Variants in NKAIN2 observed in about 807,000 individuals in gnomAD.
NKAIN2 encodes sodium/potassium transporting ATPase interacting 2.
Under a neutral mutation model 32.6 loss-of-function variants are expected in NKAIN2, and 14 were observed. The observed-to-expected ratio is 0.43, with a 90% CI of 0.28 to 0.67. The LOEUF (loss-of-function observed/expected upper bound fraction) is 0.67, where lower values mean the gene tolerates loss of function less well. Among genes scored for constraint, NKAIN2 ranks in the 30% least tolerant of loss-of-function variants. NKAIN2 has a pLI of 0.17. For missense variants in NKAIN2, 198 were observed against 258.3 expected, an observed-to-expected ratio of 0.77 and a Z score of 1.60; for synonymous variants, 80 against 87.2, an observed-to-expected ratio of 0.92 and a Z score of 0.46.
chr6:124,503,217 T>G (rs1778360055), intron 3 of NKAIN2, among the ~76,000 whole-genome samples: 1 of 152,102 alleles, frequency 6.6e-6, no homozygotes, highest in Non-Finnish European at 1.5e-5. Context: ...TATTTGTACA[T>G]TATATTGAAT....
At chr6:124,642,051 C>T (rs1440592326) in intron 3 of NKAIN2, among the ~76,000 whole-genome samples, 2 of 152,048 alleles carry the variant, frequency 1.3e-5, no homozygotes, top group African/African-American at 4.8e-5. Context: ...AACCAGATCC[C>T]AAAGTTACCC....
chr6:124,284,043 A>G (rs934818656), intron 2 of NKAIN2, among the ~76,000 whole-genome samples: 22 of 111,600 alleles, frequency 2.0e-4, no homozygotes, highest in African/African-American at 8.4e-4. Flanking sequence ...ATCATCTAGA[A>G]CCCAGATAAA....
chr6:124,192,623 G>A (rs1220490574), intron 1 of NKAIN2, among the ~76,000 whole-genome samples: 1 of 149,546 alleles, frequency 6.7e-6, no homozygotes, highest in Non-Finnish European at 1.5e-5. Flanking sequence ...CAATAGAGTT[G>A]TTTAGATCTA....
intron 1 of NKAIN2, among the ~76,000 whole-genome samples, chr6:124,222,760 G>T (rs1791899940): frequency 6.6e-6 from 1 of 152,130 alleles, no homozygotes; most frequent in African/African-American, 2.4e-5. Flanking sequence ...TGAAAAATGT[G>T]TTGCATGGCG....
chr6:124,737,277 T>A (rs1043897279), intron 4 of NKAIN2, among the ~76,000 whole-genome samples: 2 of 151,890 alleles, frequency 1.3e-5, no homozygotes, highest in Non-Finnish European at 2.9e-5. Context: ...GCTGCTGTTC[T>A]TGTGATAAGT....
At chr6:123,998,749 G>C (rs1055604921) in intron 1 of NKAIN2, among the ~76,000 whole-genome samples, 1,861 of 143,554 alleles carry the variant, frequency 0.013, 43 homozygotes, top group African/African-American at 0.047. Context: ...CTCTCTGTGT[G>C]TGTGTGTGTG....
intron 1 of NKAIN2, among the ~76,000 whole-genome samples, chr6:124,002,674 C>T (rs1038518504): frequency 1.3e-5 from 2 of 152,086 alleles, no homozygotes; most frequent in African/African-American, 4.8e-5. Context: ...TAACTTGCTC[C>T]ATTCAAAAGA....
chr6:124,706,523 A>G lies in NKAIN2; in HGVS notation c.474+48137A>G, dbSNP rs1272981059. On this transcript the variant is annotated intron_variant, in intron 4 of 6. Coordinates refer to ENST00000368417, the MANE Select transcript of NKAIN2 (RefSeq NM_001040214.3). ...AAAAAAACAAAAAAAAGATTGAATC[A>G]AGTCCAGGCAGAGCTATCAGAAAAT... 2.0e-5 allele frequency among the ~76,000 whole-genome samples: 3 copies of G among 152,132 alleles called. No individual in the cohort carries two copies. The East Asian group carries it at 5.8e-4, about 29-fold the overall frequency.
chr6:124,282,499 C>T (rs1457493138), intron 1 of NKAIN2, among the ~76,000 whole-genome samples: 5 of 152,278 alleles, frequency 3.3e-5, no homozygotes, highest in East Asian at 1.9e-4. Flanking sequence ...TAGGCCACTG[C>T]GGCTACTTAG....
chr6:123,845,948 T>C (rs1775070089), intron 1 of NKAIN2, among the ~76,000 whole-genome samples: 1 of 152,176 alleles, frequency 6.6e-6, no homozygotes, highest in African/African-American at 2.4e-5. Flanking sequence ...TTAAATACTC[T>C]ATATTTTTAT....
chr6:123,972,103 G>A (rs1778371804), intron 1 of NKAIN2, among the ~76,000 whole-genome samples: 1 of 152,088 alleles, frequency 6.6e-6, no homozygotes, highest in Admixed American at 6.6e-5. Context: ...TCTTTCTTAT[G>A]CTTCTCTTAA....
At chr6:124,437,709 T>C (rs1775509126) in intron 3 of NKAIN2, among the ~76,000 whole-genome samples, 1 of 152,082 alleles carries the variant, frequency 6.6e-6, no homozygotes, top group South Asian at 2.1e-4. Context: ...TGAGGTTAAG[T>C]GCTATGAGGT....
Position 124,729,319 on chromosome 6 carries a change from G to A in NKAIN2, c.475-62020G>A, listed in dbSNP as rs1776525952. On this transcript the variant is annotated intron_variant, in intron 4 of 6. Coordinates refer to ENST00000368417, the MANE Select transcript of NKAIN2 (RefSeq NM_001040214.3). ...ATGCAAAAATCCTCAATAAAATACT[G>A]GCAAACCGAATCCAGCAGCACATCA... Among the ~76,000 whole-genome samples the A allele has an allele frequency of 2.0e-5, 3 of 149,810 alleles. No individual in the cohort carries two copies. The South Asian group carries it at 6.4e-4, about 32-fold the overall frequency.
chr6:123,881,277 C>T (rs1425160684), intron 1 of NKAIN2, among the ~76,000 whole-genome samples: 1 of 152,156 alleles, frequency 6.6e-6, no homozygotes, highest in African/African-American at 2.4e-5. Context: ...CCACCTCGGC[C>T]TCCCAAAGTG....
chr6:124,237,705 A>T (rs1792850125), intron 1 of NKAIN2, among the ~76,000 whole-genome samples: 1 of 152,164 alleles, frequency 6.6e-6, no homozygotes, highest in South Asian at 2.1e-4. Flanking sequence ...GGAAATAAAA[A>T]TACTAGGAAA....
At chr6:124,066,557 AT>A (rs1293131950) in intron 1 of NKAIN2, among the ~76,000 whole-genome samples, 2 of 152,194 alleles carry the variant, frequency 1.3e-5, no homozygotes, top group Non-Finnish European at 2.9e-5. Flanking sequence ...GCACATTAGA[AT>A]TAGAATTTAG....
chr6:124,405,209 C>A (rs779384606), intron 3 of NKAIN2, among the ~76,000 whole-genome samples: 1 of 152,092 alleles, frequency 6.6e-6, no homozygotes, highest in Non-Finnish European at 1.5e-5. Context: ...TAAGTTTTTG[C>A]AAATATGTTT....
At chr6:124,230,347 G>A (rs553839602) in intron 1 of NKAIN2, among the ~76,000 whole-genome samples, 169 of 152,278 alleles carry the variant, frequency 1.1e-3, no homozygotes, top group African/African-American at 3.9e-3. Flanking sequence ...GGGAAACAGA[G>A]CATAAAAGTT....
At chr6:124,080,744 C>G (rs548960531) in intron 1 of NKAIN2, among the ~76,000 whole-genome samples, 51 of 152,188 alleles carry the variant, frequency 3.4e-4, no homozygotes, top group East Asian at 9.7e-4. Flanking sequence ...ACACTCCCCC[C>G]CTCCAAGATC....
Sources: allele counts gnomAD v4.1 joint callset (sites outside exome capture counted in the v4.1 genomes callset), GRCh38; gene constraint gnomAD v4.1.1; transcripts MANE v1.5; gene names NCBI Gene and HGNC (gene_info 2026-07-23, HGNC 2026-07-21).